Variants in PBLD observed in about 807,000 individuals in gnomAD.
The protein encoded by PBLD is phenazine biosynthesis-like domain-containing protein.
In PBLD, 26 loss-of-function variants were observed where a neutral mutation model predicts 31.3. That is an observed-to-expected ratio of 0.83 (90% CI 0.61 to 1.15). The LOEUF (loss-of-function observed/expected upper bound fraction) is 1.15, where lower values mean the gene tolerates loss of function less well. Among genes scored for constraint, PBLD ranks in the 50% most tolerant of loss-of-function variants. The pLI, the probability that PBLD is intolerant of heterozygous loss-of-function variation, is 0.00. For synonymous variants in PBLD, 114 were observed against 129.0 expected, an observed-to-expected ratio of 0.88 and a Z score of 0.79; for missense variants, 307 against 351.7, an observed-to-expected ratio of 0.87 and a Z score of 1.02.
Position 68,284,187 on chromosome 10 carries a change from A to C in PBLD, c.857T>G (p.Leu286Arg). 6.2e-7 allele frequency: 1 copy of C among 1,613,816 alleles called. No homozygotes were observed. Among genetic ancestry groups the C allele is most frequent in the Non-Finnish European group, 8.5e-7 (1 of 1,179,732 alleles). ...GGAAVVLEGTLTA is the reference protein window; with the variant it reads ...GGAAVVLEGTRTA ...ACAGCATAACCACCTCTAGGCTGTC[A>C]GTGTGCCCTCTAAAACAACAGCTGC... The change falls in exon 10 of 10, where the codon CTG becomes CGG. Residue 286 changes from leucine (L) to arginine (R), a missense_variant. Transcript: ENST00000358769.
At chr10:68,319,877 G>T (rs1340254078) in intron 1 of PBLD, among the ~76,000 whole-genome samples, 1 of 148,730 alleles carries the variant, frequency 6.7e-6, no homozygotes, top group Non-Finnish European at 1.5e-5. Flanking sequence ...AGGCTGGAGT[G>T]CAATGGTGCA....
intron 1 of PBLD, among the ~76,000 whole-genome samples, 180 bp from the exon 2 acceptor site, chr10:68,307,083 C>A (rs1168040418): frequency 6.6e-6 from 1 of 152,106 alleles, no homozygotes; most frequent in African/African-American, 2.4e-5. Context: ...GGCGGGAGTG[C>A]AGTGGCACCG....
At chr10:68,291,262 T>A (rs887395717) in intron 6 of PBLD, among the ~76,000 whole-genome samples, 6 of 152,176 alleles carry the variant, frequency 3.9e-5, no homozygotes, top group Non-Finnish European at 8.8e-5. Context: ...ACATTGAGAA[T>A]TAAATGGACA....
intron 2 of PBLD, among the ~76,000 whole-genome samples, chr10:68,302,444 C>T (rs1254381685): frequency 6.6e-6 from 1 of 152,162 alleles, no homozygotes; most frequent in Non-Finnish European, 1.5e-5. Flanking sequence ...CTTATCAGTC[C>T]TTATTGTTCA....
intron 2 of PBLD, among the ~76,000 whole-genome samples, chr10:68,304,232 T>C (rs2044546910): frequency 6.6e-6 from 1 of 152,220 alleles, no homozygotes; most frequent in Non-Finnish European, 1.5e-5. Context: ...AAAAGTGCTA[T>C]CTTCGCCTCT....
At chr10:68,293,884 A>G (rs374225554) in intron 4 of PBLD, among the ~76,000 whole-genome samples, 1 of 11,288 alleles carries the variant, frequency 8.9e-5, no homozygotes, top group Non-Finnish European at 4.9e-4. Flanking sequence ...CTGAGGCAGG[A>G]AAATCACTTA....
chr10:68,284,998 A>C, intron 9 of PBLD: 7 of 1,121,886 alleles, frequency 6.2e-6, no homozygotes, highest in Non-Finnish European at 7.6e-6. Context: ...TGTTTGATTC[A>C]ATCCTGTGAC....
At chr10:68,298,754 G>A (rs1419696523) in intron 2 of PBLD, among the ~76,000 whole-genome samples, 3 of 52,462 alleles carry the variant, frequency 5.7e-5, no homozygotes, top group African/African-American at 1.3e-4. Flanking sequence ...ACATGCATAC[G>A]AATACACACA....
chr10:68,296,942 T>A lies in PBLD; in HGVS notation c.128A>T (p.Asn43Ile). 1 of 1,614,016 alleles carries A rather than the reference T, an allele frequency of 6.2e-7. No homozygotes were observed. The change falls in exon 3 of 10, where the codon AAC becomes ATC. Residue 43 changes from asparagine (N) to isoleucine (I), a missense_variant. Transcript: ENST00000358769. Reference protein sequence around the residue: ...DMHQKIAREMNLSETAFIRKL... With the variant: ...DMHQKIAREMILSETAFIRKL... ...TCGGATAAAAGCAGTTTCAGAGAGG[T>A]TCATCTCCCTTGCAATTTTCTGATG...
rs1333237397 is a variant in PBLD, at chr10:68,306,903, T to C, written c.-59A>G. 14 of 1,338,448 alleles carry C rather than the reference T, an allele frequency of 1.0e-5. No individual in the cohort carries two copies. Among genetic ancestry groups the C allele is most frequent in the Non-Finnish European group, 1.5e-5 (14 of 942,410 alleles). The allele number at this position is 1,338,448 out of a possible 1,614,324, so 82.9% of individuals were successfully genotyped here. Reference sequence around the variant, plus strand: ...ATTGCTGGTAGCCTGCTTTACGTCTTCTTCTTGGAAAAGGAAATCAAAAAG... The same window carrying C: ...ATTGCTGGTAGCCTGCTTTACGTCTCCTTCTTGGAAAAGGAAATCAAAAAG... On this transcript the variant is annotated splice_region_variant and 5_prime_UTR_variant, in exon 2 of 10. Coordinates refer to ENST00000358769, the MANE Select transcript of PBLD (RefSeq NM_022129.4).
Position 68,296,948 on chromosome 10 carries a change from T to C in PBLD, c.122A>G (p.Glu41Gly), listed in dbSNP as rs927035896. The C allele has an allele frequency of 3.9e-5, 63 of 1,613,986 alleles. No homozygotes were observed. The highest frequency in any genetic ancestry group is 4.9e-5 in the Non-Finnish European group (58 of 1,179,882). The change falls in exon 3 of 10, where the codon GAG becomes GGG. Residue 41 changes from glutamate (E) to glycine (G), a missense_variant. Coordinates refer to ENST00000358769, the MANE Select transcript of PBLD (RefSeq NM_022129.4). ...AAAAGCAGTTTCAGAGAGGTTCATC[T>C]CCCTTGCAATTTTCTGATGCATGTC... ...DEDMHQKIAR[E>G]MNLSETAFIR...
chr10:68,292,614 A>T (rs2044375195), intron 4 of PBLD, among the ~76,000 whole-genome samples: 1 of 151,324 alleles, frequency 6.6e-6, no homozygotes, highest in African/African-American at 2.4e-5. Context: ...CATTCAAGTG[A>T]TTCTCCCACC....
rs1360101151 is a variant in PBLD at position 68,288,962 on chromosome 10, G to A, written c.481C>T (p.Leu161Phe). Residue 161 changes from leucine to phenylalanine, a missense_variant, in exon 7 of 10, where the codon CTC becomes TTC. By Grantham distance (22) the Leu-to-Phe change is conservative. Coordinates refer to ENST00000358769, the MANE Select transcript of PBLD (RefSeq NM_022129.4). ...DICYSPDTQK[L>F]LVRLSDVYNR... is the part of the protein sequence containing the mutation. Reference sequence around the variant, plus strand: ...TAAACGTCACTGAGGCGGACGAGGAGCTTTTGGGTATCTGGAGAATAACAG... The same window carrying A: ...TAAACGTCACTGAGGCGGACGAGGAACTTTTGGGTATCTGGAGAATAACAG... 2 of 1,614,172 alleles carry A rather than the reference G, an allele frequency of 1.2e-6. No homozygotes were observed. The highest frequency in any genetic ancestry group is 3.3e-5 in the Admixed American group (2 of 60,018).
intron 1 of PBLD, among the ~76,000 whole-genome samples, chr10:68,318,916 G>C (rs761566877): frequency 1.1e-4 from 17 of 151,474 alleles, no homozygotes; most frequent in Non-Finnish European, 2.2e-4. Context: ...CAGCAACAGA[G>C]TGAGACTTTG....
In PBLD at chr10:68,299,452, G is replaced by A. The variant is rs570024392; in HGVS notation, c.85-2467C>T. ...TGAGTTATCCAAATTAAACACTCTTGTCTTTGATTCAAAATCTTTTGAAAC... is the reference window on the plus strand; with the variant it reads ...TGAGTTATCCAAATTAAACACTCTTATCTTTGATTCAAAATCTTTTGAAAC... On this transcript the variant is annotated intron_variant, in intron 2 of 9. Transcript: ENST00000358769. Among the ~76,000 whole-genome samples the A allele has an allele frequency of 2.6e-5, 4 of 152,136 alleles. No homozygotes were observed. The East Asian group carries it at 5.8e-4, about 22-fold the overall frequency.
At chr10:68,321,034 C>G (rs1304442969) in intron 1 of PBLD, among the ~76,000 whole-genome samples, 1 of 151,946 alleles carries the variant, frequency 6.6e-6, no homozygotes, top group Non-Finnish European at 1.5e-5. Context: ...ATTGGCCAGA[C>G]TGGTCTGGAA....
intron 2 of PBLD, among the ~76,000 whole-genome samples, chr10:68,301,087 G>A (rs1337818111): frequency 6.6e-6 from 1 of 152,018 alleles, no homozygotes; most frequent in East Asian, 1.9e-4. Flanking sequence ...TTAGAGATGA[G>A]GTTTCACCAT....
chr10:68,306,916 G>A lies in PBLD; in HGVS notation c.-59-13C>T. 4 of 1,227,352 alleles carry A rather than the reference G, an allele frequency of 3.3e-6. No individual in the cohort carries two copies. The highest frequency in any genetic ancestry group is 4.7e-6 in the Non-Finnish European group (4 of 849,934). 76.0% of individuals were successfully genotyped at this position (1,227,352 alleles called of 1,614,324 possible). A position where few individuals can be genotyped will look rare whatever the true frequency, so the allele number is the denominator to read the frequency against. On this transcript the variant is annotated splice_polypyrimidine_tract_variant and intron_variant, in intron 1 of 9. Transcript: ENST00000358769. ...TGCTTTACGTCTTCTTCTTGGAAAAGGAAATCAAAAAGTTAATGTTTTACT... is the reference window on the plus strand; with the variant it reads ...TGCTTTACGTCTTCTTCTTGGAAAAAGAAATCAAAAAGTTAATGTTTTACT...
chr10:68,300,549 T>C (rs1330877514), intron 2 of PBLD, among the ~76,000 whole-genome samples: 1 of 152,134 alleles, frequency 6.6e-6, no homozygotes, highest in African/African-American at 2.4e-5. Context: ...GTCTTGGGCC[T>C]CCGACATTCT....
Sources: gnomAD v4.1 joint callset for allele counts (sites outside exome capture counted in the v4.1 genomes callset) on GRCh38, gnomAD v4.1.1 for gene constraint, MANE v1.5 for transcripts, NCBI Gene and HGNC (gene_info 2026-07-23, HGNC 2026-07-21) for gene names.